ATP5PD: variants seen among roughly 807,000 people sequenced by gnomAD.
ATP5PD encodes ATP synthase peripheral stalk subunit d.
In ATP5PD, 13 loss-of-function variants were observed where a neutral mutation model predicts 22.6. That is an observed-to-expected ratio of 0.58 (90% CI 0.37 to 0.91). The LOEUF (loss-of-function observed/expected upper bound fraction) is 0.91, where lower values mean the gene tolerates loss of function less well. Among genes scored for constraint, ATP5PD ranks in the 40% least tolerant of loss-of-function variants. ATP5PD has a pLI of 0.00. For missense variants in ATP5PD, 165 were observed against 188.0 expected (o/e 0.88, Z 0.72); for synonymous variants, 51 against 65.0 (o/e 0.79, Z 1.03).
intron 2 of ATP5PD, 75 bp downstream of exon 2, chr17:75,042,454 T>C: frequency 1.9e-6 from 3 of 1,567,256 alleles, no homozygotes; most frequent in South Asian, 1.2e-5. Flanking sequence ...CAAGAATTCA[T>C]ATGTAATTCC....
chr17:75,041,399 CCA>C (rs959630225), intron 3 of ATP5PD: 3 of 146,618 alleles, frequency 2.0e-5, no homozygotes, highest in Non-Finnish European at 4.5e-5. Flanking sequence ...TTGCCTGAGC[CCA>C]GAGTTTGAGA....
chr17:75,043,342 T>C (rs1166387706), intron 1 of ATP5PD, among the ~76,000 whole-genome samples: 1 of 150,770 alleles, frequency 6.6e-6, no homozygotes, highest in African/African-American at 2.4e-5. Context: ...CCGGGCGCAG[T>C]GGCTCATTTC....
intron 3 of ATP5PD, chr17:75,041,731 G>T (rs2073162917): frequency 6.5e-6 from 1 of 153,648 alleles, no homozygotes; most frequent in South Asian, 2.1e-4. Context: ...CATTTAACTT[G>T]AAAGCCCCCT....
At chr17:75,046,256 G>A (rs2073214992) in intron 1 of ATP5PD, among the ~76,000 whole-genome samples, 1 of 152,052 alleles carries the variant, frequency 6.6e-6, no homozygotes, top group African/African-American at 2.4e-5. Flanking sequence ...CTAATTTTTT[G>A]TATTTTTAGT....
chr17:75,043,790 GC>G (rs2144915462), intron 1 of ATP5PD, among the ~76,000 whole-genome samples: 1 of 152,196 alleles, frequency 6.6e-6, no homozygotes, highest in East Asian at 1.9e-4. Context: ...GTTTCAACAA[GC>G]CTTAAATAGA....
intron 1 of ATP5PD, among the ~76,000 whole-genome samples, chr17:75,045,758 G>A (rs1195144984): frequency 6.6e-6 from 1 of 152,070 alleles, no homozygotes; most frequent in Non-Finnish European, 1.5e-5. Context: ...TACAATTTTT[G>A]TAGTTAACAC....
chr17:75,042,290 A>T lies in ATP5PD; in HGVS notation c.123-13T>A. On this transcript the variant is annotated splice_polypyrimidine_tract_variant and intron_variant, in intron 2 of 5. Coordinates refer to ENST00000301587, the MANE Select transcript of ATP5PD (RefSeq NM_006356.3). ...TAAAGCAGCCAACCTGCCCACAAGG[A>T]AAGGCAAAAGTTAGGATTGTTCATA... is the stretch of plus-strand genomic sequence containing the variant. The T allele has an allele frequency of 6.2e-7, 1 of 1,612,948 alleles. No individual in the cohort carries two copies. Among genetic ancestry groups the T allele is most frequent in the Non-Finnish European group, 8.5e-7 (1 of 1,179,406 alleles).
intron 1 of ATP5PD, among the ~76,000 whole-genome samples, chr17:75,046,268 G>A (rs1221115353): frequency 6.6e-6 from 1 of 152,174 alleles, no homozygotes; most frequent in Non-Finnish European, 1.5e-5. Context: ...ATTTTTAGTA[G>A]AGGCGGGGTT....
Position 75,040,148 on chromosome 17 carries a change from C to T in ATP5PD, c.235G>A (p.Val79Ile). The change falls in exon 4 of 6, where the codon GTT (valine) becomes ATT (isoleucine). Residue 79 changes from valine (V) to isoleucine (I), a missense_variant. Physicochemically the swap from Val to Ile is conservative, Grantham distance 29 (BLOSUM62 3). Transcript: ENST00000301587. ...DFEKKFNALKVPVPEDKYTAQ... is the reference protein window; with the variant it reads ...DFEKKFNALKIPVPEDKYTAQ... ...GTATATTTATCCTCTGGCACGGGAA[C>T]CTTCAGCGCATTAAACTACAAACAC... 1 of 1,611,668 alleles carries T rather than the reference C, an allele frequency of 6.2e-7. No homozygotes were observed. The highest frequency in any genetic ancestry group is 8.5e-7 in the Non-Finnish European group (1 of 1,179,608).
chr17:75,039,901 T>G, intron 4 of ATP5PD, 191 bp downstream of exon 4: 1 of 658,320 alleles, frequency 1.5e-6, no homozygotes, highest in Non-Finnish European at 2.6e-6. Flanking sequence ...ATACTCTTCT[T>G]TTTCTTGTTG....
In ATP5PD at chr17:75,046,555, C is replaced by T. The variant is rs558864436; in HGVS notation, c.-10+370G>A. The stretch of plus-strand genomic sequence containing the variant: ...TGGAAGCTGCCGAAGGGGAAGGGCG[C>T]AGCCCCGCAGCCAGCTGAGCGTCCC... On this transcript the variant is annotated intron_variant, in intron 1 of 5. Coordinates refer to ENST00000301587, the MANE Select transcript of ATP5PD (RefSeq NM_006356.3). Among the ~76,000 whole-genome samples the T allele has an allele frequency of 1.4e-3, 214 of 152,386 alleles. 1 individual carries two copies. Among genetic ancestry groups the T allele is most frequent in the African/African-American group, 4.8e-3 (199 of 41,598 alleles).
intron 5 of ATP5PD, 33 bp from the exon 6 acceptor site, chr17:75,039,096 A>G: frequency 1.2e-6 from 2 of 1,612,968 alleles, no homozygotes; most frequent in Non-Finnish European, 8.5e-7. Context: ...TAGTTAATGT[A>G]AACAGAGACG....
At chr17:75,044,141 C>T (rs1338808544) in intron 1 of ATP5PD, among the ~76,000 whole-genome samples, 2 of 150,506 alleles carry the variant, frequency 1.3e-5, no homozygotes, top group Non-Finnish European at 2.9e-5. Flanking sequence ...TCTCCTGCCT[C>T]AGCCTCCGGA....
chr17:75,044,785 C>A lies in ATP5PD; in HGVS notation c.-9-2126G>T, dbSNP rs529155562. On this transcript the variant is annotated intron_variant, in intron 1 of 5. Coordinates refer to ENST00000301587, the MANE Select transcript of ATP5PD (RefSeq NM_006356.3). ...GTCAGATATTAAAAGACTGCAAAGT[C>A]AAAAATCTCTATAAGCTTGGAGTGG... 2.6e-5 allele frequency among the ~76,000 whole-genome samples: 4 copies of A among 152,268 alleles called. No homozygotes were observed. The East Asian group carries it at 7.7e-4, about 29-fold the overall frequency.
rs147284668 is a variant in ATP5PD, at chr17:75,042,224, G to T, written c.176C>A (p.Ala59Asp). 3.7e-4 allele frequency: 591 copies of T among 1,614,066 alleles called. No homozygotes were observed. The highest frequency in any genetic ancestry group is 4.6e-4 in the Non-Finnish European group (540 of 1,180,026). Residue 59 changes from alanine to aspartate, a missense_variant, in exon 3 of 6, where the codon GCC (alanine) becomes GAC (aspartate). Coordinates refer to ENST00000301587, the MANE Select transcript of ATP5PD (RefSeq NM_006356.3). ...PPAIDWAYYK[A>D]NVAKAGLVDD... is the part of the protein sequence containing the mutation. Reference sequence around the variant, plus strand: ...CACCAAGCCAGCCTTGGCCACATTGGCCTTGTAGTAAGCCCAGTCGATAGC... The same window carrying T: ...CACCAAGCCAGCCTTGGCCACATTGTCCTTGTAGTAAGCCCAGTCGATAGC...
At chr17:75,042,125 G>T in intron 3 of ATP5PD, 56 bp downstream of exon 3, 1 of 1,467,756 alleles carries the variant, frequency 6.8e-7, no homozygotes, top group Non-Finnish European at 9.4e-7. Flanking sequence ...CCCTGTTCCT[G>T]CTCCCTACCC....
At chr17:75,042,417 T>C in intron 2 of ATP5PD, 112 bp downstream of exon 2, 1 of 1,516,108 alleles carries the variant, frequency 6.6e-7, no homozygotes, top group Non-Finnish European at 8.9e-7. Context: ...AATGCAAGGA[T>C]TTCTTTATAT....
intron 4 of ATP5PD, 73 bp from the exon 5 acceptor site, chr17:75,039,344 C>T (rs769694753): frequency 3.5e-5 from 47 of 1,347,858 alleles, no homozygotes; most frequent in Non-Finnish European, 4.7e-5. Context: ...AGGTAGGAGT[C>T]GTCCCAGCCC....
At chr17:75,044,634 G>A (rs28587464) in intron 1 of ATP5PD, among the ~76,000 whole-genome samples, 3,062 of 152,220 alleles carry the variant, frequency 0.02, 86 homozygotes, top group African/African-American at 0.069. Context: ...GAGCCACCGC[G>A]CCCGGCCTGC....
Sources: allele counts gnomAD v4.1 joint callset (sites outside exome capture counted in the v4.1 genomes callset), GRCh38; gene constraint gnomAD v4.1.1; transcripts MANE v1.5; gene names NCBI Gene and HGNC (gene_info 2026-07-23, HGNC 2026-07-21).